Variants in RAB38 observed in about 807,000 individuals in gnomAD.
RAB38 encodes RAB38, member RAS oncogene family.
In RAB38, 15 loss-of-function variants were observed where a neutral mutation model predicts 18.4. That is an observed-to-expected ratio of 0.82 (90% CI 0.55 to 1.26). The LOEUF is 1.26. Ranked by LOEUF, RAB38 falls within the 50% of genes most tolerant of loss-of-function variation. RAB38 has a pLI of 0.00. For missense variants in RAB38, 294 were observed against 267.4 expected, an observed-to-expected ratio of 1.10 and a Z score of -0.69; for synonymous variants, 101 against 104.4, an observed-to-expected ratio of 0.97 and a Z score of 0.20.
the RAB38 span, among the ~76,000 whole-genome samples, chr11:87,874,071 A>G: frequency 2.1e-4 from 32 of 150,836 alleles, no homozygotes; most frequent in African/African-American, 7.8e-4. Flanking sequence ...ATTAAGTCCA[A>G]TTCGACAATA....
At chr11:87,832,365 G>A in the RAB38 span, among the ~76,000 whole-genome samples, 1 of 152,186 alleles carries the variant, frequency 6.6e-6, no homozygotes, top group Non-Finnish European at 1.5e-5. Context: ...TCACAGTTGT[G>A]TAGTTCTGAA....
chr11:87,965,550 G>A, the RAB38 span, among the ~76,000 whole-genome samples: 1 of 152,092 alleles, frequency 6.6e-6, no homozygotes, highest in South Asian at 2.1e-4. Flanking sequence ...ACTCTTTAGG[G>A]TTTATAGGGT....
the RAB38 span, among the ~76,000 whole-genome samples, chr11:87,922,358 G>A: frequency 6.6e-6 from 1 of 151,926 alleles, no homozygotes; most frequent in Non-Finnish European, 1.5e-5. Context: ...CAAGCTACTG[G>A]AGCAGAGTAA....
the RAB38 span, among the ~76,000 whole-genome samples, chr11:87,973,073 C>A: frequency 1.3e-5 from 2 of 151,944 alleles, no homozygotes; most frequent in African/African-American, 4.8e-5. Flanking sequence ...ATGCTTCCTG[C>A]ACAGCCCACG....
At chr11:88,066,135 T>G in the RAB38 span, among the ~76,000 whole-genome samples, 1 of 152,298 alleles carries the variant, frequency 6.6e-6, no homozygotes, top group East Asian at 1.9e-4. Flanking sequence ...AGATAACAAG[T>G]TTACTTGGTT....
chr11:87,827,720 C>T, the RAB38 span, among the ~76,000 whole-genome samples: 1 of 152,152 alleles, frequency 6.6e-6, no homozygotes, highest in African/African-American at 2.4e-5. Flanking sequence ...ATCAGTTCAC[C>T]TGGAGACCAG....
chr11:88,060,516 G>A, the RAB38 span, among the ~76,000 whole-genome samples: 2 of 152,148 alleles, frequency 1.3e-5, no homozygotes, highest in African/African-American at 2.4e-5. Context: ...GTGTCAGGGA[G>A]CTCCAGGAGA....
the RAB38 span, among the ~76,000 whole-genome samples, chr11:87,829,576 C>T: frequency 6.6e-5 from 10 of 152,132 alleles, no homozygotes; most frequent in African/African-American, 2.2e-4. Context: ...CTCACTATCA[C>T]GAGAACAGCA....
At chr11:87,808,001 G>C in the RAB38 span, among the ~76,000 whole-genome samples, 1 of 152,204 alleles carries the variant, frequency 6.6e-6, no homozygotes, top group African/African-American at 2.4e-5. Context: ...GAGAGGAACT[G>C]TGTGTTGCAG....
At chr11:88,047,910 T>C in the RAB38 span, among the ~76,000 whole-genome samples, 1 of 152,246 alleles carries the variant, frequency 6.6e-6, no homozygotes, top group East Asian at 1.9e-4. Context: ...AAGGAAAATA[T>C]CTCCTTCCAG....
chr11:88,139,096 T>C lies in RAB38; in HGVS notation c.483+10579A>G, dbSNP rs185849886. On this transcript the variant is annotated intron_variant, in intron 2 of 2. Transcript: ENST00000243662. ...ACCATGCCTGGCCTATTATTCTTAA[T>C]ATTAAGATTCGCATGGTCTTGTTTT... Among the ~76,000 whole-genome samples, 6 of 152,316 alleles carry C rather than the reference T, an allele frequency of 3.9e-5. No individual in the cohort carries two copies. The East Asian group carries it at 1.2e-3, about 29-fold the overall frequency.
chr11:87,870,888 T>C, the RAB38 span, among the ~76,000 whole-genome samples: 1 of 151,654 alleles, frequency 6.6e-6, no homozygotes, highest in Non-Finnish European at 1.5e-5. Flanking sequence ...ACCATATTTT[T>C]TCATTTGCAG....
At chr11:87,867,354 A>G in the RAB38 span, among the ~76,000 whole-genome samples, 1 of 151,744 alleles carries the variant, frequency 6.6e-6, no homozygotes, top group Non-Finnish European at 1.5e-5. Context: ...GGGACATTAG[A>G]TACAAGACAG....
At chr11:88,152,977 C>T (rs1003711833) in intron 1 of RAB38, among the ~76,000 whole-genome samples, 1 of 152,204 alleles carries the variant, frequency 6.6e-6, no homozygotes, top group Admixed American at 6.5e-5. Context: ...AAACTCATAG[C>T]AGTGTAGATG....
At chr11:87,943,206 A>C in the RAB38 span, among the ~76,000 whole-genome samples, 1 of 152,198 alleles carries the variant, frequency 6.6e-6, no homozygotes. Context: ...AGGGAAATGG[A>C]AAGTCCAGAT....
the RAB38 span, among the ~76,000 whole-genome samples, chr11:88,007,349 T>C: frequency 1.4e-5 from 1 of 70,380 alleles, no homozygotes; most frequent in African/African-American, 6.7e-5. Flanking sequence ...ATTCATAGTC[T>C]GAGAAAAAGT....
the RAB38 span, among the ~76,000 whole-genome samples, chr11:87,958,455 A>G: frequency 6.6e-6 from 1 of 152,014 alleles, no homozygotes; most frequent in African/African-American, 2.4e-5. Flanking sequence ...CTTCATACCT[A>G]TCTTATTCTT....
At chr11:88,099,789 G>A in the RAB38 span, among the ~76,000 whole-genome samples, 1 of 151,706 alleles carries the variant, frequency 6.6e-6, no homozygotes, top group African/African-American at 2.4e-5. Context: ...CACACTCTTA[G>A]TACATAGGGT....
At chr11:88,036,766 TTAATA>T in the RAB38 span, among the ~76,000 whole-genome samples, 1 of 151,996 alleles carries the variant, frequency 6.6e-6, no homozygotes. Flanking sequence ...AGGATTTATA[TTAATA>T]TATTTCCTAA....
Sources: allele counts gnomAD v4.1 joint callset (sites outside exome capture counted in the v4.1 genomes callset), GRCh38; gene constraint gnomAD v4.1.1; transcripts MANE v1.5; gene names NCBI Gene and HGNC (gene_info 2026-07-23, HGNC 2026-07-21).